ACP3: variants seen among roughly 807,000 people sequenced by gnomAD.
The protein encoded by ACP3 is acid phosphatase 3, also known as prostatic acid phosphatase.
In ACP3, 38 loss-of-function variants were observed where a neutral mutation model predicts 45.6. The observed-to-expected ratio is 0.83, with a 90% CI of 0.64 to 1.09. The LOEUF is 1.09. Ranked by LOEUF, ACP3 falls within the 50% of genes least tolerant of loss-of-function variation. The probability of loss-of-function intolerance (pLI) is 0.00; values close to 1 mark genes in which losing one functional copy is unlikely to be tolerated. For missense variants in ACP3, 466 were observed against 463.2 expected, an observed-to-expected ratio of 1.01 and a Z score of -0.05; for synonymous variants, 162 against 164.7, an observed-to-expected ratio of 0.98 and a Z score of 0.13.
In ACP3 at chr3:132,321,956, G is replaced by A. The variant is rs143241778; in HGVS notation, c.120+4380G>A. On this transcript the variant is annotated intron_variant, in intron 1 of 9. Coordinates refer to ENST00000336375, the MANE Select transcript of ACP3 (RefSeq NM_001099.5). ...CCGGTGTGCTCGGTATTATACTGAT[G>A]GCTTTACATATATTACACATTTAAT... 2.1e-3 allele frequency among the ~76,000 whole-genome samples: 318 copies of A among 152,222 alleles called. 1 individual carries two copies. The highest frequency in any genetic ancestry group is 3.5e-3 in the Non-Finnish European group (241 of 68,006).
downstream of ACP3, among the ~76,000 whole-genome samples, chr3:132,362,642 G>T (rs140051921): frequency 1.1e-4 from 16 of 152,298 alleles, no homozygotes; most frequent in Admixed American, 3.3e-4. Flanking sequence ...TAGCCTAATG[G>T]GTCAGAGAAG....
At chr3:132,324,874 C>T (rs1937269483) in intron 1 of ACP3, among the ~76,000 whole-genome samples, 1 of 152,130 alleles carries the variant, frequency 6.6e-6, no homozygotes, top group Non-Finnish European at 1.5e-5. Flanking sequence ...ATCTCCTGAC[C>T]TCATGATCCG....
In ACP3 at chr3:132,352,749, G is replaced by GTTTACA; in HGVS notation, c.894_895insTTTACA (p.Met298_Ala299insPheThr). The GTTTACA allele has an allele frequency of 6.2e-7, 1 of 1,613,782 alleles. No homozygotes were observed. Among genetic ancestry groups the GTTTACA allele is most frequent in the East Asian group, 2.2e-5 (1 of 44,864 alleles). Reference sequence around the variant, plus strand: ...ACACTACTGTGAGTGGCCTACAGATGGCGCTAGATGTTTACAACGGACTCC... The same window carrying GTTTACA: ...ACACTACTGTGAGTGGCCTACAGATGTTTACAGCGCTAGATGTTTACAACGGACTCC... On this transcript the variant is annotated inframe_insertion, in exon 9 of 10. Transcript: ENST00000336375.
Position 132,352,824 on chromosome 3 carries a change from G to T in ACP3, c.968+1G>T, listed in dbSNP as rs144833647. ...TGACGGAATTGTACTTTGAGAAGGG[G>T]TAAGTGACTAAGTGCTTTTCAAAAT... On this transcript the variant is annotated splice_donor_variant, in intron 9 of 9. Coordinates refer to ENST00000336375, the MANE Select transcript of ACP3 (RefSeq NM_001099.5). LOFTEE classifies it high-confidence loss of function. 111 of 1,593,648 alleles carry T rather than the reference G, an allele frequency of 7.0e-5. No individual in the cohort carries two copies. Among genetic ancestry groups the T allele is most frequent in the Non-Finnish European group, 9.5e-5 (110 of 1,161,466 alleles).
downstream of ACP3, among the ~76,000 whole-genome samples, chr3:132,359,254 T>A (rs1418066390): frequency 1.3e-5 from 2 of 152,216 alleles, no homozygotes; most frequent in Non-Finnish European, 2.9e-5. Context: ...GGCTCAGGCC[T>A]GTAATCCCAG....
At chr3:132,352,433 A>C in intron 8 of ACP3, among the ~76,000 whole-genome samples, 1 of 151,256 alleles carries the variant, frequency 6.6e-6, no homozygotes, top group East Asian at 1.9e-4. Flanking sequence ...CCTGACCTCA[A>C]GTGATCCACC....
At chr3:132,336,735 T>G (rs1008774140) in intron 4 of ACP3, among the ~76,000 whole-genome samples, 1 of 151,900 alleles carries the variant, frequency 6.6e-6, no homozygotes, top group Admixed American at 6.6e-5. Flanking sequence ...ACATGTTAAA[T>G]TTGAGGGAAA....
chr3:132,332,075 A>G, intron 3 of ACP3, 117 bp from the exon 4 acceptor site: 1 of 1,146,758 alleles, frequency 8.7e-7, no homozygotes, highest in East Asian at 2.3e-5. Flanking sequence ...TGTTAGCACA[A>G]TGTCTGTAAT....
downstream of ACP3, among the ~76,000 whole-genome samples, chr3:132,362,410 T>C (rs1938057178): frequency 6.6e-6 from 1 of 152,212 alleles, no homozygotes; most frequent in Admixed American, 6.5e-5. Flanking sequence ...TAATAAGCAA[T>C]AGATTTACTG....
At chr3:132,363,995 T>C (rs1938089078) in intron 10 of ACP3, among the ~76,000 whole-genome samples, 1 of 152,010 alleles carries the variant, frequency 6.6e-6, no homozygotes, top group African/African-American at 2.4e-5. Flanking sequence ...ATCACTTCCA[T>C]ATGTAATAAT....
At chr3:132,328,104 A>G (rs566257634) in intron 1 of ACP3, among the ~76,000 whole-genome samples, 163 bp from the exon 2 acceptor site, 1 of 152,218 alleles carries the variant, frequency 6.6e-6, no homozygotes, top group African/African-American at 2.4e-5. Flanking sequence ...AAAATCACTA[A>G]GGTTGAAAGC....
intron 1 of ACP3, among the ~76,000 whole-genome samples, chr3:132,326,463 A>G (rs1246928549): frequency 6.6e-6 from 1 of 152,206 alleles, no homozygotes; most frequent in Non-Finnish European, 1.5e-5. Context: ...GCTCACAAAA[A>G]AATATGCAGC....
intron 7 of ACP3, among the ~76,000 whole-genome samples, chr3:132,347,194 T>C (rs1210772647): frequency 6.6e-6 from 1 of 152,256 alleles, no homozygotes; most frequent in Non-Finnish European, 1.5e-5. Flanking sequence ...TGAAACCAGC[T>C]GTCCTGCTTT....
Position 132,357,055 on chromosome 3 carries a change from C to T in ACP3, c.*177C>T, listed in dbSNP as rs1282430276. On this transcript the variant is annotated 3_prime_UTR_variant, in exon 10 of 10. Coordinates refer to ENST00000336375, the MANE Select transcript of ACP3 (RefSeq NM_001099.5). The stretch of plus-strand genomic sequence containing the variant: ...CCTACCTCTTCACCTGACCCTGCCC[C>T]CACTTGCCATAAAACTTAGCTAAGT... 6 of 1,352,628 alleles carry T rather than the reference C, an allele frequency of 4.4e-6. No homozygotes were observed. Among genetic ancestry groups the T allele is most frequent in the Non-Finnish European group, 5.7e-6 (6 of 1,054,936 alleles). The allele number at this position is 1,352,628 out of a possible 1,614,324, so 83.8% of individuals were successfully genotyped here. A position where few individuals can be genotyped will look rare whatever the true frequency, so the allele number is the denominator to read the frequency against.
intron 10 of ACP3, among the ~76,000 whole-genome samples, chr3:132,366,198 G>A (rs1427614953): frequency 6.6e-6 from 1 of 151,812 alleles, no homozygotes; most frequent in Non-Finnish European, 1.5e-5. Flanking sequence ...TTACTAGGGA[G>A]GGTGAGGTGA....
At chr3:132,354,798 T>C (rs771842201) in intron 9 of ACP3, among the ~76,000 whole-genome samples, 3 of 152,236 alleles carry the variant, frequency 2.0e-5, no homozygotes, top group Non-Finnish European at 4.4e-5. Flanking sequence ...TATAAAATAA[T>C]TCATTAAGTT....
chr3:132,362,770 CAA>C (rs1938066327), downstream of ACP3, among the ~76,000 whole-genome samples: 3 of 152,096 alleles, frequency 2.0e-5, no homozygotes, highest in African/African-American at 7.2e-5. Context: ...GCATAAAGGC[CAA>C]GAGGCCAAAG....
At chr3:132,340,608 G>GT (rs1317117246) in intron 5 of ACP3, among the ~76,000 whole-genome samples, 2 of 152,062 alleles carry the variant, frequency 1.3e-5, no homozygotes, top group Admixed American at 6.5e-5. Context: ...TCCTGTTTAA[G>GT]TTTTTTCCTG....
chr3:132,319,937 T>C (rs1453214714), intron 1 of ACP3, among the ~76,000 whole-genome samples: 1 of 152,214 alleles, frequency 6.6e-6, no homozygotes, highest in Non-Finnish European at 1.5e-5. Flanking sequence ...AAAGCTGTTC[T>C]CAGCAGAAAG....
Sources: gnomAD v4.1 joint callset for allele counts (sites outside exome capture counted in the v4.1 genomes callset) on GRCh38, gnomAD v4.1.1 for gene constraint, MANE v1.5 for transcripts, NCBI Gene and HGNC (gene_info 2026-07-23, HGNC 2026-07-21) for gene names.